The following MKLN1 variants were observed in gnomAD, a reference collection of about 807,000 sequenced individuals.
The protein encoded by MKLN1 is muskelin.
MKLN1 carries 18 observed loss-of-function variants against 99.0 expected under a neutral mutation model. That is an observed-to-expected ratio of 0.18 (90% CI 0.13 to 0.27). The LOEUF (loss-of-function observed/expected upper bound fraction) is 0.27, where lower values mean the gene tolerates loss of function less well. Ranked by LOEUF, MKLN1 falls within the 10% of genes least tolerant of loss-of-function variation. MKLN1 has a pLI of 1.00. For synonymous variants in MKLN1, 288 were observed against 293.2 expected, an observed-to-expected ratio of 0.98 and a Z score of 0.18; for missense variants, 621 against 875.9, an observed-to-expected ratio of 0.71 and a Z score of 3.67.
At chr7:131,361,024 TCTC>T (rs1275703565) in intron 1 of MKLN1, among the ~76,000 whole-genome samples, 1 of 152,102 alleles carries the variant, frequency 6.6e-6, no homozygotes, top group Non-Finnish European at 1.5e-5. Flanking sequence ...ATGTAATTCT[TCTC>T]CTTGTTTCTC....
chr7:131,466,184 G>A (rs1796656451), intron 14 of MKLN1, 92 bp from the exon 15 acceptor site: 2 of 828,436 alleles, frequency 2.4e-6, no homozygotes, highest in East Asian at 5.9e-5. Flanking sequence ...TTATTTGAAT[G>A]GGCTCAGGAA....
At chr7:131,385,315 A>G (rs1184162990) in intron 2 of MKLN1, among the ~76,000 whole-genome samples, 1 of 151,472 alleles carries the variant, frequency 6.6e-6, no homozygotes, top group Non-Finnish European at 1.5e-5. Context: ...CCCTGTGAAC[A>G]TTCATGTACG....
chr7:131,309,842 C>T (rs1432913492), intron 3 of MKLN1: 1 of 150,026 alleles, frequency 6.7e-6, no homozygotes. Flanking sequence ...TCTCCTGCCT[C>T]AGCCTCCCGA....
chr7:131,211,905 C>T (rs1050925118), intron 3 of MKLN1, among the ~76,000 whole-genome samples: 5 of 152,116 alleles, frequency 3.3e-5, no homozygotes. Context: ...AGTGTCTCCT[C>T]ATCTCTGTAA....
intron 3 of MKLN1, among the ~76,000 whole-genome samples, chr7:131,268,718 G>A (rs190384469): frequency 3.3e-5 from 5 of 152,248 alleles, no homozygotes; most frequent in Admixed American, 2.0e-4. Flanking sequence ...GTTGAGAGAG[G>A]CTAGGAAGTA....
At chr7:131,424,338 C>T (rs947955388) in intron 8 of MKLN1, among the ~76,000 whole-genome samples, 1 of 151,560 alleles carries the variant, frequency 6.6e-6, no homozygotes, top group Non-Finnish European at 1.5e-5. Flanking sequence ...AAGTTTTGGG[C>T]CCAGGCTATG....
At chr7:131,186,989 G>A (rs1397800945) in intron 2 of MKLN1, among the ~76,000 whole-genome samples, 1 of 152,180 alleles carries the variant, frequency 6.6e-6, no homozygotes, top group Non-Finnish European at 1.5e-5. Context: ...AAGGAACATT[G>A]TGTGCAGAGT....
chr7:131,332,985 A>T (rs1453702704), intron 1 of MKLN1, among the ~76,000 whole-genome samples: 1 of 151,750 alleles, frequency 6.6e-6, no homozygotes, highest in Admixed American at 6.6e-5. Flanking sequence ...ATTTAGTGGC[A>T]CCATCTTGGC....
intron 11 of MKLN1, among the ~76,000 whole-genome samples, chr7:131,444,757 T>TAGTAGA (rs1464995544): frequency 3.2e-5 from 2 of 63,228 alleles, no homozygotes. Flanking sequence ...GTAGTAGTAG[T>TAGTAGA]AGAAGAAGTA....
intron 3 of MKLN1, among the ~76,000 whole-genome samples, chr7:131,286,658 G>T (rs1195823215): frequency 6.6e-6 from 1 of 152,210 alleles, no homozygotes; most frequent in East Asian, 1.9e-4. Context: ...TTAAAGTACT[G>T]TGCTAAGATT....
rs145144418 is a variant in MKLN1 at position 131,412,221 on chromosome 7, G to A, written c.781+838G>A. ...TTTTAAACCTTTTTGATTTACTGCC[G>A]TAACAGAAGGTTGGGCAGCTTTTAC... is the stretch of plus-strand genomic sequence containing the variant. On this transcript the variant is annotated intron_variant, in intron 7 of 17. Transcript: ENST00000352689. Among the ~76,000 whole-genome samples the A allele has an allele frequency of 1.8e-4, 28 of 152,236 alleles. 1 individual carries two copies. Among genetic ancestry groups the A allele is most frequent in the African/African-American group, 6.7e-4 (28 of 41,546 alleles).
chr7:131,267,698 G>A (rs1377100475), intron 3 of MKLN1, among the ~76,000 whole-genome samples: 1 of 152,104 alleles, frequency 6.6e-6, no homozygotes, highest in Non-Finnish European at 1.5e-5. Flanking sequence ...ATTATTTTAA[G>A]GGCTGTAACA....
intron 3 of MKLN1, among the ~76,000 whole-genome samples, chr7:131,282,243 G>T (rs993835696): frequency 2.0e-5 from 3 of 151,860 alleles, no homozygotes; most frequent in African/African-American, 7.3e-5. Context: ...CAGCTACTTG[G>T]GAGGCTGAGG....
chr7:131,297,497 G>A (rs994874667), intron 3 of MKLN1, among the ~76,000 whole-genome samples: 1 of 151,782 alleles, frequency 6.6e-6, no homozygotes, highest in Non-Finnish European at 1.5e-5. Context: ...CTGACTTTTT[G>A]TATCTGCCCG....
intron 17 of MKLN1, among the ~76,000 whole-genome samples, chr7:131,481,639 T>G (rs1305822360): frequency 6.6e-6 from 1 of 152,194 alleles, no homozygotes; most frequent in East Asian, 1.9e-4. Flanking sequence ...ATTTAGTATT[T>G]ATAAACAAGA....
At chr7:131,251,312 C>A (rs1052441290) in intron 3 of MKLN1, among the ~76,000 whole-genome samples, 2 of 152,322 alleles carry the variant, frequency 1.3e-5, no homozygotes, top group Middle Eastern at 3.4e-3. Context: ...TGTGCTGCAA[C>A]AACACTGCCT....
intron 9 of MKLN1, among the ~76,000 whole-genome samples, chr7:131,432,973 C>T (rs1302398929): frequency 6.6e-6 from 1 of 152,100 alleles, no homozygotes; most frequent in Non-Finnish European, 1.5e-5. Flanking sequence ...ACCTAGGAGA[C>T]CCCAGACCAC....
rs765539294 is a variant in MKLN1, at chr7:131,116,047, T to G, written c.-419+5840T>G. On this transcript the variant is annotated intron_variant, in intron 1 of 7. Coordinates refer to the MKLN1 transcript ENST00000416992. ...AGGGCCGGGCACGGTGGCTCACGCC[T>G]GTAATCCCAGCACTTTGGGATGCCG... Among the ~76,000 whole-genome samples, 3 of 152,224 alleles carry G rather than the reference T, an allele frequency of 2.0e-5. No individual in the cohort carries two copies. The East Asian group carries it at 5.8e-4, about 29-fold the overall frequency.
intron 8 of MKLN1, among the ~76,000 whole-genome samples, chr7:131,422,533 G>A (rs1159069406): frequency 6.6e-6 from 1 of 152,240 alleles, no homozygotes; most frequent in South Asian, 2.1e-4. Flanking sequence ...CAGTCCAGTC[G>A]ACAGAGCAAG....
Sources: gnomAD v4.1 joint callset for allele counts (sites outside exome capture counted in the v4.1 genomes callset) on GRCh38, gnomAD v4.1.1 for gene constraint, MANE v1.5 for transcripts, NCBI Gene and HGNC (gene_info 2026-07-23, HGNC 2026-07-21) for gene names.